The following PAK3 variants were observed in gnomAD, a reference collection of about 807,000 sequenced individuals.
PAK3 encodes the protein p21 (RAC1) activated kinase 3.
PAK3 carries 4 observed loss-of-function variants against 41.0 expected under a neutral mutation model. The observed-to-expected ratio is 0.10, with a 90% CI of 0.05 to 0.22. The LOEUF is 0.22. Among genes scored for constraint, PAK3 ranks in the 10% least tolerant of loss-of-function variants. The pLI is 1.00. For missense variants in PAK3, 205 were observed against 409.9 expected, an observed-to-expected ratio of 0.50 and a Z score of 4.32; for synonymous variants, 146 against 139.6, an observed-to-expected ratio of 1.05 and a Z score of -0.32.
chrX:111,177,099 G>GT (rs1212951776), intron 11 of PAK3, among the ~76,000 whole-genome samples: 1 of 109,799 alleles, frequency 9.1e-6, no homozygotes, highest in Non-Finnish European at 1.9e-5. Flanking sequence ...AATATGTAGA[G>GT]TTTTTTAAAA....
intron 1 of PAK3, among the ~76,000 whole-genome samples, chrX:110,990,778 C>G (rs899776754): frequency 9.0e-6 from 1 of 110,667 alleles, no homozygotes; most frequent in Admixed American, 9.6e-5. Context: ...TATTGCTTAT[C>G]CAGCTTTTTC....
chrX:110,970,279 T>A, intron 1 of PAK3, among the ~76,000 whole-genome samples: 1 of 112,183 alleles, frequency 8.9e-6, no homozygotes, highest in East Asian at 2.8e-4. Flanking sequence ...TAAATTTGTT[T>A]AAGTTCCTTG....
intron 1 of PAK3, among the ~76,000 whole-genome samples, chrX:110,955,442 C>T (rs190246463): frequency 3.7e-4 from 41 of 111,528 alleles, no homozygotes; most frequent in African/African-American, 1.3e-3. Context: ...TCTTTATTGC[C>T]GTTTCCGGTA....
chrX:111,167,227 T>C (rs956517609), intron 10 of PAK3, among the ~76,000 whole-genome samples: 1 of 111,156 alleles, frequency 9.0e-6, no homozygotes, highest in Admixed American at 9.6e-5. Flanking sequence ...ACAGAAGCCA[T>C]CAAGTATCTT....
In PAK3 at chrX:111,163,196, A is replaced by G. The variant is rs1035510753; in HGVS notation, c.600+150A>G. 57 of 577,722 alleles carry G rather than the reference A, an allele frequency of 9.9e-5. 2 individuals are homozygous for G. The African/African-American group carries it at 1.0e-3, about 11-fold the overall frequency. 47.6% of individuals were successfully genotyped at this position (577,722 alleles called of 1,213,427 possible). On this transcript the variant is annotated intron_variant, in intron 9 of 17. Coordinates refer to ENST00000372007, the MANE Select transcript of PAK3 (RefSeq NM_002578.5). Reference sequence around the variant, plus strand: ...AAAATATGACCAAGGTTTTGAGGATACTGTTTGAGGATACAAGGTTAGCAC... The same window carrying G: ...AAAATATGACCAAGGTTTTGAGGATGCTGTTTGAGGATACAAGGTTAGCAC...
intron 1 of PAK3, among the ~76,000 whole-genome samples, chrX:111,050,356 G>A (rs192328930): frequency 6.4e-4 from 72 of 111,704 alleles, no homozygotes; most frequent in Non-Finnish European, 1.1e-3. Flanking sequence ...TCTTTTGGGG[G>A]AAAAAGCCTA....
At chrX:110,944,964 GAT>G (rs1167833140) in intron 1 of PAK3, among the ~76,000 whole-genome samples, 1 of 112,005 alleles carries the variant, frequency 8.9e-6, no homozygotes, top group Non-Finnish European at 1.9e-5. Context: ...GGCGGGGAGA[GAT>G]GGATGGAGAT....
rs562399138 is a variant in PAK3, at chrX:111,025,213, T to G, written c.-28+80585T>G. Among the ~76,000 whole-genome samples the G allele has an allele frequency of 7.2e-5, 8 of 110,430 alleles. No individual in the cohort carries two copies. In the South Asian group the frequency reaches 2.3e-3, roughly 32 times the overall value. On this transcript the variant is annotated intron_variant, in intron 1 of 14. Transcript: ENST00000425146. The stretch of plus-strand genomic sequence containing the variant: ...ATCAAAAAGTCTGAAAGAGCACAAA[T>G]CTAAGATCACACCTCACAGAACTAG...
At chrX:111,118,855 T>C (rs751391995) in intron 4 of PAK3, among the ~76,000 whole-genome samples, 2 of 112,194 alleles carry the variant, frequency 1.8e-5, no homozygotes, top group Admixed American at 9.5e-5. Context: ...CAGGACCATC[T>C]ATTAAGCCAT....
intron 1 of PAK3, among the ~76,000 whole-genome samples, chrX:111,047,219 A>C (rs1270044935): frequency 3.6e-5 from 4 of 111,911 alleles, no homozygotes; most frequent in Non-Finnish European, 7.5e-5. Flanking sequence ...ATGCGTGAGG[A>C]TGTGTGAGAT....
intron 16 of PAK3, among the ~76,000 whole-genome samples, chrX:111,201,687 G>T (rs937048935): frequency 9.0e-6 from 1 of 110,835 alleles, no homozygotes; most frequent in African/African-American, 3.3e-5. Flanking sequence ...GTGACCTTCT[G>T]CAAGTTACTT....
intron 5 of PAK3, among the ~76,000 whole-genome samples, chrX:111,123,589 A>G (rs964972766): frequency 8.9e-6 from 1 of 112,696 alleles, no homozygotes; most frequent in Non-Finnish European, 1.9e-5. Flanking sequence ...AATGTAGAGT[A>G]GAATTTACAA....
chrX:110,955,244 C>T (rs372324018), intron 1 of PAK3, among the ~76,000 whole-genome samples: 3 of 112,045 alleles, frequency 2.7e-5, no homozygotes, highest in Non-Finnish European at 5.6e-5. Context: ...AGTAGCCGAA[C>T]TTTTCACTTT....
intron 1 of PAK3, among the ~76,000 whole-genome samples, chrX:110,993,777 G>T (rs780942135): frequency 1.1e-4 from 12 of 111,371 alleles, no homozygotes; most frequent in Middle Eastern, 4.6e-3. Flanking sequence ...CAATTATAAG[G>T]TGATATTGGC....
chrX:111,032,149 T>C (rs1373203297), intron 1 of PAK3, among the ~76,000 whole-genome samples: 1 of 111,913 alleles, frequency 8.9e-6, no homozygotes, highest in Admixed American at 9.5e-5. Flanking sequence ...CAGGGGGCCA[T>C]AGCACAAAAA....
intron 1 of PAK3, among the ~76,000 whole-genome samples, chrX:111,059,313 C>T (rs1351274382): frequency 9.1e-6 from 1 of 110,067 alleles, no homozygotes; most frequent in African/African-American, 3.3e-5. Flanking sequence ...TGTGTAACAC[C>T]ATGCCTGGCT....
intron 1 of PAK3, among the ~76,000 whole-genome samples, chrX:111,050,342 G>A (rs1482285362): frequency 1.8e-5 from 2 of 111,627 alleles, no homozygotes; most frequent in African/African-American, 6.5e-5. Flanking sequence ...AAAAGATTTT[G>A]TGGTCTTTTG....
At chrX:110,969,058 G>C (rs1378081988) in intron 1 of PAK3, among the ~76,000 whole-genome samples, 1 of 100,350 alleles carries the variant, frequency 1.0e-5, no homozygotes, top group African/African-American at 3.6e-5. Context: ...CTCCTGAGTA[G>C]CTGGGATTAA....
intron 4 of PAK3, among the ~76,000 whole-genome samples, chrX:111,107,648 C>G (rs975529562): frequency 1.3e-4 from 15 of 111,866 alleles, no homozygotes; most frequent in African/African-American, 4.9e-4. Context: ...TCAGAATATA[C>G]CCAAGCTGCC....
Sources: gnomAD v4.1 joint callset for allele counts (sites outside exome capture counted in the v4.1 genomes callset) on GRCh38, gnomAD v4.1.1 for gene constraint, MANE v1.5 for transcripts, NCBI Gene and HGNC (gene_info 2026-07-23, HGNC 2026-07-21) for gene names.